SLC4A4: variants seen among roughly 807,000 people sequenced by gnomAD.
SLC4A4 encodes the protein electrogenic sodium bicarbonate cotransporter 1.
SLC4A4 carries 27 observed loss-of-function variants against 111.5 expected under a neutral mutation model. The observed-to-expected ratio is 0.24, with a 90% CI of 0.18 to 0.33. The LOEUF is 0.33. SLC4A4 is among the 10% of genes least tolerant of loss of function. SLC4A4 has a pLI of 1.00. For missense variants in SLC4A4, 909 were observed against 1,315.5 expected (o/e 0.69, Z 4.78); for synonymous variants, 443 against 463.4 (o/e 0.96, Z 0.57).
intron 3 of SLC4A4, among the ~76,000 whole-genome samples, chr4:71,274,190 G>A (rs762907665): frequency 1.3e-4 from 20 of 152,096 alleles, no homozygotes; most frequent in Non-Finnish European, 2.5e-4. Context: ...TAAGAGAATC[G>A]TAATGAAGAA....
intron 6 of SLC4A4, among the ~76,000 whole-genome samples, chr4:71,395,429 C>G (rs1165011348): frequency 6.6e-6 from 1 of 152,172 alleles, no homozygotes; most frequent in Non-Finnish European, 1.5e-5. Context: ...TTTCTTAATA[C>G]TAGTCTTCTC....
At chr4:71,336,350 A>T (rs1728433425) in intron 3 of SLC4A4, among the ~76,000 whole-genome samples, 1 of 152,234 alleles carries the variant, frequency 6.6e-6, no homozygotes. Flanking sequence ...GAAAACAGTT[A>T]CTATTGCTCT....
intron 6 of SLC4A4, among the ~76,000 whole-genome samples, chr4:71,388,603 A>G (rs1461808161): frequency 1.3e-5 from 2 of 152,076 alleles, no homozygotes; most frequent in Non-Finnish European, 2.9e-5. Context: ...GAGTACAGTG[A>G]TGTGACCATA....
chr4:71,170,631 T>C (rs942442471), intron 2 of SLC4A4, among the ~76,000 whole-genome samples: 6 of 152,236 alleles, frequency 3.9e-5, no homozygotes, highest in African/African-American at 1.2e-4. Flanking sequence ...ACTATATGCA[T>C]AGGACTGTTC....
At chr4:71,150,297 G>A (rs1204039138) in intron 2 of SLC4A4, among the ~76,000 whole-genome samples, 1 of 152,018 alleles carries the variant, frequency 6.6e-6, no homozygotes, top group Non-Finnish European at 1.5e-5. Context: ...ATAGCAACTG[G>A]GTTCTGGGGA....
chr4:71,211,819 G>A (rs1718149642), intron 1 of SLC4A4, among the ~76,000 whole-genome samples: 1 of 146,714 alleles, frequency 6.8e-6, no homozygotes, highest in Non-Finnish European at 1.5e-5. Flanking sequence ...AATGCTTTAT[G>A]GAGCTTATCA....
intron 3 of SLC4A4, among the ~76,000 whole-genome samples, chr4:71,304,515 T>A (rs1346997705): frequency 1.3e-5 from 2 of 152,228 alleles, no homozygotes; most frequent in African/African-American, 4.8e-5. Context: ...CCTTCTTTAC[T>A]CAGTCTACTG....
chr4:71,290,529 T>C (rs1169300489), intron 3 of SLC4A4, among the ~76,000 whole-genome samples: 1 of 152,168 alleles, frequency 6.6e-6, no homozygotes, highest in Non-Finnish European at 1.5e-5. Flanking sequence ...AAAAATTTGT[T>C]TCCAGTGAAG....
chr4:71,206,382 T>A (rs1717765419), intron 1 of SLC4A4, among the ~76,000 whole-genome samples: 1 of 152,206 alleles, frequency 6.6e-6, no homozygotes, highest in Admixed American at 6.5e-5. Context: ...ATTTTATTTT[T>A]AGGTTACAAT....
intron 16 of SLC4A4, among the ~76,000 whole-genome samples, chr4:71,511,746 A>G (rs1387420908): frequency 6.6e-6 from 1 of 151,934 alleles, no homozygotes; most frequent in Non-Finnish European, 1.5e-5. Context: ...TATACCTATA[A>G]CCAAATTTAT....
rs763461592 is a variant in SLC4A4 at position 71,555,104 on chromosome 4, A to G, written c.2695-36A>G. On this transcript the variant is annotated intron_variant, in intron 20 of 25. Transcript: ENST00000264485. ...CTCTTCATTCCTCTTTTTTCTTGTTATCATTTTTAAGTTGTATCCATTTTT... is the reference window on the plus strand; with the variant it reads ...CTCTTCATTCCTCTTTTTTCTTGTTGTCATTTTTAAGTTGTATCCATTTTT... The G allele has an allele frequency of 1.9e-5, 27 of 1,410,162 alleles. No homozygotes were observed. In the South Asian group the frequency reaches 2.6e-4, roughly 14 times the overall value. The allele number at this position is 1,410,162 out of a possible 1,614,324, so 87.4% of individuals were successfully genotyped here.
intron 13 of SLC4A4, among the ~76,000 whole-genome samples, chr4:71,472,127 A>C (rs1008260976): frequency 6.6e-6 from 1 of 151,884 alleles, no homozygotes; most frequent in Non-Finnish European, 1.5e-5. Flanking sequence ...CTGTCCAGAA[A>C]GTTTCTACTA....
upstream of SLC4A4, among the ~76,000 whole-genome samples, chr4:71,185,416 T>C (rs1745420911): frequency 6.6e-6 from 1 of 152,212 alleles, no homozygotes; most frequent in African/African-American, 2.4e-5. Context: ...AACATAATCA[T>C]TTAGGTGAAA....
At chr4:71,267,573 T>A (rs1312810512) in intron 3 of SLC4A4, among the ~76,000 whole-genome samples, 7 of 151,982 alleles carry the variant, frequency 4.6e-5, no homozygotes, top group Non-Finnish European at 1.0e-4. Context: ...GGTGGGTGGA[T>A]CACCCGAGGT....
intron 6 of SLC4A4, among the ~76,000 whole-genome samples, chr4:71,360,965 G>A (rs1216123636): frequency 2.6e-5 from 4 of 152,126 alleles, no homozygotes; most frequent in African/African-American, 4.8e-5. Flanking sequence ...TCAGCAGAGC[G>A]AGTCCTGGTA....
intron 18 of SLC4A4, among the ~76,000 whole-genome samples, chr4:71,538,064 G>A (rs974996126): frequency 1.3e-5 from 2 of 151,534 alleles, no homozygotes; most frequent in Non-Finnish European, 2.9e-5. Context: ...TCTGATGTTG[G>A]TTTAGTTTAC....
At chr4:71,217,867 T>G (rs1718527708) in intron 1 of SLC4A4, among the ~76,000 whole-genome samples, 1 of 152,208 alleles carries the variant, frequency 6.6e-6, no homozygotes, top group Admixed American at 6.5e-5. Context: ...GGCTGGAATG[T>G]GGTAGTGACA....
chr4:71,069,245 G>C (rs1560703032), intron 1 of SLC4A4, among the ~76,000 whole-genome samples: 2 of 152,236 alleles, frequency 1.3e-5, no homozygotes, highest in Admixed American at 1.3e-4. Context: ...AAGTCTGGCA[G>C]AGTAGTCTTT....
At chr4:71,426,010 A>G (rs1473133613) in intron 7 of SLC4A4, among the ~76,000 whole-genome samples, 3 of 152,068 alleles carry the variant, frequency 2.0e-5, no homozygotes, top group Admixed American at 2.0e-4. Context: ...TTGTAGGGCC[A>G]TTTCAAAATA....
Sources: allele counts gnomAD v4.1 joint callset (sites outside exome capture counted in the v4.1 genomes callset), GRCh38; gene constraint gnomAD v4.1.1; transcripts MANE v1.5; gene names NCBI Gene and HGNC (gene_info 2026-07-23, HGNC 2026-07-21).